LRP1B: variants seen among roughly 807,000 people sequenced by gnomAD.
The protein encoded by LRP1B is low-density lipoprotein receptor-related protein 1B.
A neutral mutation model predicts 556.6 loss-of-function variants in LRP1B; 217 were observed. That is an observed-to-expected ratio of 0.39 (90% CI 0.35 to 0.44). The LOEUF is 0.44. LRP1B is among the 20% of genes least tolerant of loss of function. The pLI, the probability that LRP1B is intolerant of heterozygous loss-of-function variation, is 1.00. For synonymous variants in LRP1B, 2,047 were observed against 1,865.8 expected, an observed-to-expected ratio of 1.10 and a Z score of -2.50; for missense variants, 5,053 against 5,620.8, an observed-to-expected ratio of 0.90 and a Z score of 3.23.
intron 41 of LRP1B, among the ~76,000 whole-genome samples, chr2:140,636,062 A>G (rs1275116118): frequency 6.6e-6 from 1 of 152,132 alleles, no homozygotes; most frequent in Non-Finnish European, 1.5e-5. Context: ...GTCAGAAGCT[A>G]CACTCTCTGG....
At chr2:141,557,449 C>T (rs909993114) in intron 2 of LRP1B, among the ~76,000 whole-genome samples, 17 of 151,842 alleles carry the variant, frequency 1.1e-4, no homozygotes, top group Admixed American at 5.9e-4. Context: ...TGTGAATAAC[C>T]GCAGAGAGAA....
chr2:140,612,204 G>A (rs959200077), intron 41 of LRP1B, among the ~76,000 whole-genome samples: 4 of 151,980 alleles, frequency 2.6e-5, no homozygotes, highest in Admixed American at 2.6e-4. Context: ...ATATTAGGTG[G>A]CAGATATTTT....
At chr2:141,789,652 G>GTT (rs1157324740) in intron 2 of LRP1B, among the ~76,000 whole-genome samples, 1 of 151,878 alleles carries the variant, frequency 6.6e-6, no homozygotes, top group Non-Finnish European at 1.5e-5. Flanking sequence ...GGATGTCAGT[G>GTT]TTTTGGCTGC....
At chr2:142,101,956 C>T (rs1706581675) in intron 1 of LRP1B, among the ~76,000 whole-genome samples, 2 of 152,064 alleles carry the variant, frequency 1.3e-5, no homozygotes, top group African/African-American at 4.8e-5. Flanking sequence ...AGAGAGAAAA[C>T]TTACATGGTT....
rs148455105 is a variant in LRP1B, at chr2:140,486,167, G to A, written c.9244-643C>T. On this transcript the variant is annotated intron_variant, in intron 58 of 90. Coordinates refer to ENST00000389484, the MANE Select transcript of LRP1B (RefSeq NM_018557.3). ...TGATCAACAATTTTTGATCTATATC[G>A]CTGGCATTCTGAATTCCCAGTACTT... Among the ~76,000 whole-genome samples the A allele has an allele frequency of 3.3e-3, 498 of 151,916 alleles. 1 individual carries two copies. The highest frequency in any genetic ancestry group is 0.011 in the African/African-American group (471 of 41,440).
At chr2:142,067,713 G>A (rs1171300722) in intron 1 of LRP1B, among the ~76,000 whole-genome samples, 2 of 151,422 alleles carry the variant, frequency 1.3e-5, no homozygotes, top group African/African-American at 4.8e-5. Context: ...GGGTATCTCT[G>A]ACTTATAACT....
chr2:140,504,275 C>T (rs1689314886), intron 53 of LRP1B, among the ~76,000 whole-genome samples: 1 of 152,146 alleles, frequency 6.6e-6, no homozygotes, highest in Admixed American at 6.6e-5. Flanking sequence ...CACCTTTTAG[C>T]AACATTTTAT....
At chr2:140,388,816 AC>A (rs1683881568) in intron 66 of LRP1B, among the ~76,000 whole-genome samples, 1 of 152,164 alleles carries the variant, frequency 6.6e-6, no homozygotes, top group South Asian at 2.1e-4. Context: ...CACTTGGGGA[AC>A]TTTAAAATAT....
chr2:141,683,002 A>C (rs534492249), intron 2 of LRP1B, among the ~76,000 whole-genome samples: 2 of 152,244 alleles, frequency 1.3e-5, no homozygotes, highest in South Asian at 4.1e-4. Context: ...TGCATGTGTG[A>C]TGTGAACATA....
At position 140,699,103 on chromosome 2, in the gene LRP1B, T is replaced by G. The variant is rs147949293; in HGVS notation, c.6799+1147A>C. On this transcript the variant is annotated intron_variant, in intron 41 of 90. Coordinates refer to ENST00000389484, the MANE Select transcript of LRP1B (RefSeq NM_018557.3). ...ATTTACCTTGAAGTGACACACTCAT[T>G]GTATTCATTCTTTAGAAAATATCCA... Among the ~76,000 whole-genome samples the G allele has an allele frequency of 2.2e-3, 336 of 152,192 alleles. 12 individuals carry two copies. The highest frequency in any genetic ancestry group is 0.02 in the Admixed American group (300 of 15,258).
chr2:141,075,962 G>T (rs1174626662), intron 7 of LRP1B, among the ~76,000 whole-genome samples: 1 of 152,204 alleles, frequency 6.6e-6, no homozygotes, highest in African/African-American at 2.4e-5. Context: ...TAATATTGCA[G>T]TGATGATAAA....
intron 66 of LRP1B, among the ~76,000 whole-genome samples, chr2:140,408,670 G>A (rs762396523): frequency 2.6e-5 from 4 of 151,920 alleles, no homozygotes; most frequent in Admixed American, 2.6e-4. Context: ...CTATCTGAGG[G>A]AAAGGACACT....
At chr2:140,681,240 T>C (rs1168794004) in intron 41 of LRP1B, among the ~76,000 whole-genome samples, 1 of 152,116 alleles carries the variant, frequency 6.6e-6, no homozygotes, top group Non-Finnish European at 1.5e-5. Context: ...CATATTCCCA[T>C]AACACTTAGC....
At position 140,381,815 on chromosome 2, in the gene LRP1B, T is replaced by C. The variant is rs193245937; in HGVS notation, c.10532-3529A>G. On this transcript the variant is annotated intron_variant, in intron 67 of 90. Coordinates refer to ENST00000389484, the MANE Select transcript of LRP1B (RefSeq NM_018557.3). ...AGACGGAGGTTGCAGTGAGTCAAGA[T>C]TGCGCCACTACACTCCAGCCTGGGC... Among the ~76,000 whole-genome samples, 531 of 144,548 alleles carry C rather than the reference T, an allele frequency of 3.7e-3. 4 individuals are homozygous for C. The highest frequency in any genetic ancestry group is 0.013 in the African/African-American group (510 of 38,126). 94.8% of individuals were successfully genotyped at this position (144,548 alleles called of 152,430 possible).
intron 1 of LRP1B, among the ~76,000 whole-genome samples, chr2:142,042,662 C>T (rs1704103767): frequency 6.6e-6 from 1 of 151,504 alleles, no homozygotes; most frequent in Admixed American, 6.6e-5. Flanking sequence ...AAGCCTTTCT[C>T]AATCTATAGC....
chr2:142,024,977 T>A (rs1274920537), intron 1 of LRP1B, among the ~76,000 whole-genome samples: 2 of 152,116 alleles, frequency 1.3e-5, no homozygotes, highest in Non-Finnish European at 2.9e-5. Context: ...GAGGACAAAG[T>A]CTAAAAAATT....
At chr2:141,417,585 T>C (rs759493756) in intron 3 of LRP1B, among the ~76,000 whole-genome samples, 21 of 152,190 alleles carry the variant, frequency 1.4e-4, no homozygotes, top group Middle Eastern at 3.2e-3. Context: ...TATTGCATCA[T>C]ATGTATAAAC....
intron 86 of LRP1B, among the ~76,000 whole-genome samples, chr2:140,267,854 A>G (rs1328863764): frequency 6.6e-6 from 1 of 151,900 alleles, no homozygotes; most frequent in African/African-American, 2.4e-5. Context: ...CACAATTAAC[A>G]TATTTTTTCC....
At chr2:140,388,080 G>T (rs1683842790) in intron 66 of LRP1B, among the ~76,000 whole-genome samples, 2 of 151,890 alleles carry the variant, frequency 1.3e-5, no homozygotes, top group Admixed American at 1.3e-4. Context: ...GGGATTACAG[G>T]CATTCGCCAC....
Sources: gnomAD v4.1 joint callset for allele counts (sites outside exome capture counted in the v4.1 genomes callset) on GRCh38, gnomAD v4.1.1 for gene constraint, MANE v1.5 for transcripts, NCBI Gene and HGNC (gene_info 2026-07-23, HGNC 2026-07-21) for gene names.